The following SMLR1 variants were observed in gnomAD, a reference collection of about 807,000 sequenced individuals.
SMLR1 encodes the protein small leucine rich protein 1.
Under a neutral mutation model 6.1 loss-of-function variants are expected in SMLR1, and 3 were observed. The observed-to-expected ratio is 0.49, with a 90% CI of 0.22 to 1.28. The LOEUF is 1.28. SMLR1 is among the 50% of genes most tolerant of loss of function. SMLR1 has a pLI of 0.19. For missense variants in SMLR1, 126 were observed against 124.8 expected (o/e 1.01, Z -0.05); for synonymous variants, 55 against 53.6 (o/e 1.03, Z -0.11).
At chr6:130,833,720 C>T (rs943375778) in intron 1 of SMLR1, among the ~76,000 whole-genome samples, 4 of 152,106 alleles carry the variant, frequency 2.6e-5, no homozygotes. Flanking sequence ...TTGCAAAGGG[C>T]TTCACACAGC....
rs927898821 is a variant in SMLR1 at position 130,836,165 on chromosome 6, A to T, written c.*1210A>T. 1 of 152,234 alleles carries T rather than the reference A, an allele frequency of 6.6e-6. No individual in the cohort carries two copies. The highest frequency in any genetic ancestry group is 2.4e-5 in the African/African-American group (1 of 41,474). The allele number at this position is 152,234 out of a possible 1,614,324, so 9.4% of individuals were successfully genotyped here. A position where few individuals can be genotyped will look rare whatever the true frequency, so the allele number is the denominator to read the frequency against. Reference sequence around the variant, plus strand: ...TTTCCATTTGCACTTCTTGCATAATATAAAACTTATTGCTAGAATAAAGAC... The same window carrying T: ...TTTCCATTTGCACTTCTTGCATAATTTAAAACTTATTGCTAGAATAAAGAC... On this transcript the variant is annotated 3_prime_UTR_variant, in exon 2 of 2. Coordinates refer to ENST00000541421, the MANE Select transcript of SMLR1 (RefSeq NM_001195597.2).
intron 1 of SMLR1, among the ~76,000 whole-genome samples, chr6:130,830,992 T>C (rs1312751515): frequency 2.0e-5 from 3 of 152,220 alleles, no homozygotes; most frequent in South Asian, 4.1e-4. Flanking sequence ...TTTTATTCCT[T>C]TACTTTCTTA....
chr6:130,832,829 C>T (rs995224613), intron 1 of SMLR1, among the ~76,000 whole-genome samples: 2 of 152,132 alleles, frequency 1.3e-5, no homozygotes, highest in African/African-American at 4.8e-5. Context: ...CTGTTGAGTC[C>T]TTTTGGTCCA....
rs148009767 is a variant in SMLR1, at chr6:130,829,060, G to A, written c.238+1409G>A. Among the ~76,000 whole-genome samples, 19 of 152,280 alleles carry A rather than the reference G, an allele frequency of 1.2e-4. No homozygotes were observed. The East Asian group carries it at 2.3e-3, about 19-fold the overall frequency. On this transcript the variant is annotated intron_variant, in intron 1 of 1. Transcript: ENST00000541421. ...TCTCAGCCTCCCATTGACATTGAAC[G>A]TCCCAGGGACAATAAAACGATGCTG...
chr6:130,831,837 G>C (rs1774459347), intron 1 of SMLR1, among the ~76,000 whole-genome samples: 1 of 152,230 alleles, frequency 6.6e-6, no homozygotes, highest in Non-Finnish European at 1.5e-5. Context: ...TCAGACAAGA[G>C]AGCCATTTTA....
chr6:130,833,386 C>T (rs1774530259), intron 1 of SMLR1, among the ~76,000 whole-genome samples: 1 of 152,086 alleles, frequency 6.6e-6, no homozygotes, highest in Non-Finnish European at 1.5e-5. Context: ...TTCAAAGCAC[C>T]CTATTGTGCA....
In SMLR1 at chr6:130,835,514, A is replaced by G. The variant is rs1774626398; in HGVS notation, c.*559A>G. The G allele has an allele frequency of 6.6e-6, 1 of 152,606 alleles. No homozygotes were observed. Among genetic ancestry groups the G allele is most frequent in the South Asian group, 2.1e-4 (1 of 4,836 alleles). The allele number at this position is 152,606 out of a possible 1,614,324, so 9.5% of individuals were successfully genotyped here. On this transcript the variant is annotated 3_prime_UTR_variant, in exon 2 of 2. Transcript: ENST00000541421. ...CTCCTTTTCCTGATTGCTTTCACAA[A>G]TCATTATTGTCACAAATATGCACAA...
chr6:130,829,542 T>C (rs1490534031), intron 1 of SMLR1, among the ~76,000 whole-genome samples: 1 of 152,200 alleles, frequency 6.6e-6, no homozygotes. Flanking sequence ...ACCTCTGTGA[T>C]GATTGCACGC....
intron 1 of SMLR1, among the ~76,000 whole-genome samples, chr6:130,832,498 A>G (rs1204954994): frequency 6.6e-6 from 1 of 152,176 alleles, no homozygotes; most frequent in Admixed American, 6.5e-5. Flanking sequence ...GTAAAATAGA[A>G]ATAACAGCAG....
chr6:130,827,824 T>C lies in SMLR1; in HGVS notation c.238+173T>C, dbSNP rs554101455. ...GTTCCTTGATCAATTTGGCCAAGTT[T>C]GATCCTTTCCACTGTGTGGATCTTG... On this transcript the variant is annotated intron_variant, in intron 1 of 1. Coordinates refer to ENST00000541421, the MANE Select transcript of SMLR1 (RefSeq NM_001195597.2). 5.9e-5 allele frequency among the ~76,000 whole-genome samples: 9 copies of C among 152,312 alleles called. No individual in the cohort carries two copies. In the East Asian group the frequency reaches 1.5e-3, roughly 26 times the overall value.
In SMLR1 at chr6:130,835,225, T is replaced by C; in HGVS notation, c.*270T>C. On this transcript the variant is annotated 3_prime_UTR_variant, in exon 2 of 2. Transcript: ENST00000541421. ...GGACACATTGTAACTTTTTAACTTT[T>C]ATTGTGACTGTGTCTGCTCTAAACG... 1 of 345,068 alleles carries C rather than the reference T, an allele frequency of 2.9e-6. No individual in the cohort carries two copies. The highest frequency in any genetic ancestry group is 5.4e-6 in the Non-Finnish European group (1 of 185,668). 21.4% of individuals were successfully genotyped at this position (345,068 alleles called of 1,614,324 possible). A position where few individuals can be genotyped will look rare whatever the true frequency, so the allele number is the denominator to read the frequency against.
At chr6:130,828,177 C>A in intron 1 of SMLR1, among the ~76,000 whole-genome samples, 1 of 152,116 alleles carries the variant, frequency 6.6e-6, no homozygotes, top group Non-Finnish European at 1.5e-5. Flanking sequence ...AAATACTTGA[C>A]CTTGGTGTAA....
In SMLR1 at chr6:130,835,548, G is replaced by A. The variant is rs569655184; in HGVS notation, c.*593G>A. 3.9e-5 allele frequency: 6 copies of A among 152,472 alleles called. No individual in the cohort carries two copies. Among genetic ancestry groups the A allele is most frequent in the Non-Finnish European group, 8.8e-5 (6 of 68,192 alleles). 9.4% of individuals were successfully genotyped at this position (152,472 alleles called of 1,614,324 possible). ...GTCACAAATATGCACAAAACAAGTG[G>A]AGTATCCCCACACTAGGTATGGATC... On this transcript the variant is annotated 3_prime_UTR_variant, in exon 2 of 2. Coordinates refer to ENST00000541421, the MANE Select transcript of SMLR1 (RefSeq NM_001195597.2).
intron 1 of SMLR1, 48 bp downstream of exon 1, chr6:130,827,699 G>A (rs1266998399): frequency 2.9e-6 from 4 of 1,380,092 alleles, no homozygotes; most frequent in Admixed American, 2.0e-5. Context: ...CTTTCCCACA[G>A]CACATCTTGA....
intron 1 of SMLR1, among the ~76,000 whole-genome samples, chr6:130,834,330 C>A (rs1774569638): frequency 1.3e-5 from 2 of 151,970 alleles, no homozygotes; most frequent in African/African-American, 4.8e-5. Flanking sequence ...TTGGAAAATG[C>A]CACTAGATTC....
intron 1 of SMLR1, among the ~76,000 whole-genome samples, chr6:130,833,118 T>C (rs2236078): frequency 0.047 from 7,218 of 152,252 alleles, 242 homozygotes; most frequent in East Asian, 0.12. Flanking sequence ...TCCTCCTTAA[T>C]AGACCCAATG....
rs766598346 is a variant in SMLR1 at position 130,837,056 on chromosome 6, G to A, written c.*2101G>A. On this transcript the variant is annotated 3_prime_UTR_variant, in exon 2 of 2. Coordinates refer to ENST00000541421, the MANE Select transcript of SMLR1 (RefSeq NM_001195597.2). ...TCCGAATCTTATTCCAAATGCTATA[G>A]TATCTGAAACGGTTCACCAATAGGG... The A allele has an allele frequency of 6.6e-6, 1 of 152,116 alleles. No individual in the cohort carries two copies. The highest frequency in any genetic ancestry group is 2.4e-5 in the African/African-American group (1 of 41,414). The allele number at this position is 152,116 out of a possible 1,614,324, so 9.4% of individuals were successfully genotyped here.
intron 1 of SMLR1, among the ~76,000 whole-genome samples, chr6:130,833,279 T>C (rs1774526148): frequency 6.6e-6 from 1 of 152,294 alleles, no homozygotes; most frequent in African/African-American, 2.4e-5. Flanking sequence ...GGCCTCTCCA[T>C]TCTAGTTCTC....
rs1342510319 is a variant in SMLR1, at chr6:130,835,145, GTA to G, written c.*193_*194del. 1 of 568,714 alleles carries G rather than the reference GTA, an allele frequency of 1.8e-6. No homozygotes were observed. Among genetic ancestry groups the G allele is most frequent in the Non-Finnish European group, 3.1e-6 (1 of 318,850 alleles). 35.2% of individuals were successfully genotyped at this position (568,714 alleles called of 1,614,324 possible). ...TCTAAGGGGACTTCTCAGAGACTCAGTATAACAGCAGCTCTTGAAAAGTACCA... is the reference window on the plus strand; with the variant it reads ...TCTAAGGGGACTTCTCAGAGACTCAGTAACAGCAGCTCTTGAAAAGTACCA... On this transcript the variant is annotated 3_prime_UTR_variant, in exon 2 of 2. Transcript: ENST00000541421.
Sources: gnomAD v4.1 joint callset for allele counts (sites outside exome capture counted in the v4.1 genomes callset) on GRCh38, gnomAD v4.1.1 for gene constraint, MANE v1.5 for transcripts, NCBI Gene and HGNC (gene_info 2026-07-23, HGNC 2026-07-21) for gene names.